RGS17: variants seen among roughly 807,000 people sequenced by gnomAD.
RGS17 encodes regulator of G protein signaling 17, also known as regulator of G-protein signaling 17.
RGS17 carries 12 observed loss-of-function variants against 25.5 expected under a neutral mutation model. The observed-to-expected ratio is 0.47, with a 90% confidence interval of 0.30 to 0.76. RGS17 has a LOEUF of 0.76. RGS17 is among the 30% of genes least tolerant of loss of function. The pLI is 0.07. For missense variants in RGS17, 196 were observed against 242.2 expected (o/e 0.81, Z 1.27); for synonymous variants, 71 against 76.9 (o/e 0.92, Z 0.40).
intron 4 of RGS17, among the ~76,000 whole-genome samples, chr6:153,019,516 G>A (rs1779217770): frequency 1.3e-5 from 2 of 152,128 alleles, no homozygotes; most frequent in Non-Finnish European, 2.9e-5. Context: ...GGTCTGGTGG[G>A]AGATGACTGG....
chr6:153,035,153 C>CAA (rs55877870), intron 2 of RGS17, among the ~76,000 whole-genome samples: 106,095 of 146,714 alleles, frequency 0.72, 38,414 homozygotes, highest in East Asian at 0.78. Context: ...GACTCTCTCA[C>CAA]AAAAAAAAAA....
chr6:153,097,692 G>T (rs1777238353), intron 1 of RGS17, among the ~76,000 whole-genome samples: 1 of 152,032 alleles, frequency 6.6e-6, no homozygotes, highest in Non-Finnish European at 1.5e-5. Context: ...TGGAGGACAA[G>T]ATCACTAGGA....
intron 1 of RGS17, among the ~76,000 whole-genome samples, chr6:153,054,650 C>CAAATAAAT (rs55901939): frequency 0.037 from 5,212 of 141,774 alleles, 135 homozygotes; most frequent in South Asian, 0.047. Context: ...GACTTCATCT[C>CAAATAAAT]AAATAAATAA....
chr6:153,115,058 T>C (rs1183719442), intron 1 of RGS17, among the ~76,000 whole-genome samples: 1 of 152,018 alleles, frequency 6.6e-6, no homozygotes, highest in African/African-American at 2.4e-5. Flanking sequence ...CTATTCAACA[T>C]AGTATTGGAA....
rs568638094 is a variant in RGS17, at chr6:153,088,413, A to G, written c.-26+42711T>C. On this transcript the variant is annotated intron_variant, in intron 1 of 4. Coordinates refer to ENST00000206262, the MANE Select transcript of RGS17 (RefSeq NM_012419.5). ...GAACCCTTATTTTGTTACTCTGATT[A>G]AAGATTTCATATGCATTGAACTTGG... 2.0e-4 allele frequency among the ~76,000 whole-genome samples: 31 copies of G among 152,340 alleles called. No homozygotes were observed. In the South Asian group the frequency reaches 6.4e-3, roughly 32 times the overall value.
intron 1 of RGS17, among the ~76,000 whole-genome samples, chr6:153,045,926 T>C (rs935483053): frequency 2.0e-5 from 3 of 152,162 alleles, no homozygotes; most frequent in Non-Finnish European, 2.9e-5. Context: ...ATAGCCAAGA[T>C]ATGGAATCAA....
At chr6:153,042,098 C>CATT (rs1339694814) in intron 2 of RGS17, among the ~76,000 whole-genome samples, 1 of 152,176 alleles carries the variant, frequency 6.6e-6, no homozygotes, top group Non-Finnish European at 1.5e-5. Flanking sequence ...TATAGTAAGT[C>CATT]ATTACATGGT....
At chr6:153,015,696 C>T (rs1158007381) in intron 4 of RGS17, among the ~76,000 whole-genome samples, 1 of 151,732 alleles carries the variant, frequency 6.6e-6, no homozygotes, top group African/African-American at 2.4e-5. Flanking sequence ...CTCTGTCGCC[C>T]AGGCTGGAGT....
Position 153,010,977 on chromosome 6 carries a change from CA to C in RGS17, c.*596del, listed in dbSNP as rs1779126449. ...GGCAGTGAACAACCAGAGGAATCCC[CA>C]TTAGGATTTTCCAACAAACAGAGAT... On this transcript the variant is annotated 3_prime_UTR_variant, in exon 5 of 5. Transcript: ENST00000206262. 1 of 151,986 alleles carries C rather than the reference CA, an allele frequency of 6.6e-6. No individual in the cohort carries two copies. The highest frequency in any genetic ancestry group is 2.4e-5 in the African/African-American group (1 of 41,246). The allele number at this position is 151,986 out of a possible 1,614,324, so 9.4% of individuals were successfully genotyped here.
At chr6:153,126,907 C>A (rs1196422142) in intron 1 of RGS17, among the ~76,000 whole-genome samples, 1 of 152,118 alleles carries the variant, frequency 6.6e-6, no homozygotes, top group Non-Finnish European at 1.5e-5. Context: ...GAAACAGCAA[C>A]AAAGGAATGT....
intron 1 of RGS17, among the ~76,000 whole-genome samples, chr6:153,111,203 T>C (rs1456172438): frequency 6.6e-6 from 1 of 152,204 alleles, no homozygotes; most frequent in Non-Finnish European, 1.5e-5. Context: ...CTTGAAATTC[T>C]TGCTGCCGGC....
chr6:153,074,449 T>C (rs1159836457), intron 1 of RGS17, among the ~76,000 whole-genome samples: 1 of 152,174 alleles, frequency 6.6e-6, no homozygotes, highest in Non-Finnish European at 1.5e-5. Flanking sequence ...ACCAGTCACA[T>C]AAAAAGTTAC....
chr6:153,017,464 C>T (rs768141795), intron 4 of RGS17, among the ~76,000 whole-genome samples: 10 of 151,994 alleles, frequency 6.6e-5, no homozygotes, highest in Non-Finnish European at 8.8e-5. Flanking sequence ...CTGGGCTAAA[C>T]GGAGTCATAT....
chr6:153,130,373 G>C lies in RGS17; in HGVS notation c.-26+751C>G, dbSNP rs1366522352. ...GGGCGTTCCTCGTCCTCGCCCCCTC[G>C]GTGGCTGTGGAATCCACCCCGCGCC... On this transcript the variant is annotated intron_variant, in intron 1 of 4. Transcript: ENST00000206262. This position sits in a 1 kb window ranked among gnomAD's most constrained non-coding sequence, Gnocchi z 6.4. Among the ~76,000 whole-genome samples, 1 of 151,730 alleles carries C rather than the reference G, an allele frequency of 6.6e-6. No individual in the cohort carries two copies. The highest frequency in any genetic ancestry group is 2.0e-4 in the East Asian group (1 of 5,112).
chr6:153,028,940 G>A (rs774775178), intron 2 of RGS17, among the ~76,000 whole-genome samples: 10 of 152,214 alleles, frequency 6.6e-5, no homozygotes, highest in South Asian at 4.1e-4. Context: ...TGCCTTTGCC[G>A]TAGAGTGACA....
intron 4 of RGS17, among the ~76,000 whole-genome samples, chr6:153,014,036 T>C (rs1779159035): frequency 1.3e-5 from 2 of 152,222 alleles, no homozygotes; most frequent in Admixed American, 6.5e-5. Context: ...AACAGCCTTA[T>C]ATTGGAAGAA....
At chr6:153,099,526 G>GT (rs1777264908) in intron 1 of RGS17, among the ~76,000 whole-genome samples, 1 of 152,120 alleles carries the variant, frequency 6.6e-6, no homozygotes, top group South Asian at 2.1e-4. Flanking sequence ...AAAAATTGCT[G>GT]TATCTGTCCT....
intron 1 of RGS17, among the ~76,000 whole-genome samples, chr6:153,044,569 T>C (rs1776364486): frequency 1.3e-5 from 2 of 152,204 alleles, no homozygotes; most frequent in Admixed American, 6.5e-5. Context: ...TTTGGCACTT[T>C]TGACTCATCC....
At chr6:153,113,818 C>G (rs1315168707) in intron 1 of RGS17, among the ~76,000 whole-genome samples, 1 of 152,120 alleles carries the variant, frequency 6.6e-6, no homozygotes, top group African/African-American at 2.4e-5. Flanking sequence ...ACAACCTGCT[C>G]CTGAAAGACT....
Sources: allele counts gnomAD v4.1 joint callset (sites outside exome capture counted in the v4.1 genomes callset), GRCh38; gene constraint gnomAD v4.1.1; non-coding constraint Gnocchi (gnomAD v3.1); transcripts MANE v1.5; gene names NCBI Gene and HGNC (gene_info 2026-07-23, HGNC 2026-07-21).